Variants in RPS29 observed in about 807,000 individuals in gnomAD.
RPS29 encodes the protein ribosomal protein S29, also known as small ribosomal subunit protein uS14.
For missense variants in RPS29, 60 were observed against 75.7 expected (o/e 0.79, Z 0.77); for synonymous variants, 37 against 26.9 (o/e 1.37, Z -1.16).
downstream of RPS29, among the ~76,000 whole-genome samples, chr14:49,582,420 G>A (rs1881367142): frequency 6.6e-6 from 1 of 152,192 alleles, no homozygotes; most frequent in African/African-American, 2.4e-5. Context: ...AATCTATGCT[G>A]TAACCTCTAT....
intron 2 of RPS29, chr14:49,585,640 A>G (rs1356911629): frequency 2.3e-6 from 1 of 440,824 alleles, no homozygotes; most frequent in East Asian, 3.3e-5. Context: ...ACAAATGTAA[A>G]ACAATTTTAG....
rs1473644722 is a variant in RPS29, at chr14:49,586,036, T to G, written c.76A>C (p.Asn26His). The change falls in exon 2 of 3, where the codon AAC becomes CAC. Residue 26 changes from asparagine (N) to histidine (H), a missense_variant. Physicochemically the swap from Asn to His is moderately conservative, Grantham distance 68 (BLOSUM62 1). Transcript: ENST00000245458. ...TATTTCCGGATCAGACCGTGCCGGT[T>G]TGAACAGACACGACTGTAAGAAAAG... is the stretch of plus-strand genomic sequence containing the variant. ...QGSRSCRVCS[N>H]RHGLIRKYGL... 1.9e-6 allele frequency: 3 copies of G among 1,613,688 alleles called. No individual in the cohort carries two copies. Among genetic ancestry groups the G allele is most frequent in the Non-Finnish European group, 2.5e-6 (3 of 1,179,732 alleles).
chr14:49,582,012 C>CAAAAAAAAAAAAAAAAAAAAA (rs58507206), downstream of RPS29, among the ~76,000 whole-genome samples: 1 of 106,534 alleles, frequency 9.4e-6, no homozygotes, highest in Admixed American at 1.1e-4. Context: ...CCCTGCCCCC[C>CAAAAAAAAAAAAAAAAAAAAA]AAAAAAAAAA....
At chr14:49,593,704 A>AAAAAAG (rs1881763123) in intron 1 of RPS29, among the ~76,000 whole-genome samples, 2 of 150,632 alleles carry the variant, frequency 1.3e-5, no homozygotes, top group Non-Finnish European at 3.0e-5. Context: ...AAAAAAAAAA[A>AAAAAAG]AAAAAAAAAA....
At chr14:49,590,598 G>A (rs148345789), upstream of RPS29, among the ~76,000 whole-genome samples, 124 of 152,172 alleles carry the variant, frequency 8.1e-4, no homozygotes, top group African/African-American at 2.5e-3. Context: ...CATAGACAGA[G>A]TCTAAAATAC....
At chr14:49,585,657 C>A (rs953841674) in intron 2 of RPS29, 1 of 445,360 alleles carries the variant, frequency 2.2e-6, no homozygotes, top group Non-Finnish European at 4.0e-6. Flanking sequence ...TTAGTGGCTT[C>A]TCTAAAGTGA....
downstream of RPS29, among the ~76,000 whole-genome samples, chr14:49,579,379 C>G (rs117537267): frequency 3.0e-4 from 45 of 152,246 alleles, no homozygotes; most frequent in East Asian, 8.5e-3. Flanking sequence ...TACAGTGGCC[C>G]AAAGACACTA....
intron 1 of RPS29, among the ~76,000 whole-genome samples, chr14:49,591,682 G>A (rs932054886): frequency 3.4e-4 from 48 of 141,544 alleles, no homozygotes; most frequent in African/African-American, 1.1e-3. Flanking sequence ...GTGCAGTGGC[G>A]TGATCTCGGC....
upstream of RPS29, among the ~76,000 whole-genome samples, chr14:49,587,235 T>C (rs1038465713): frequency 1.3e-5 from 2 of 152,218 alleles, no homozygotes; most frequent in African/African-American, 4.8e-5. Flanking sequence ...GAATGTAAAG[T>C]AATAAACAAG....
At chr14:49,584,620 C>CG (rs1881452772) in intron 2 of RPS29, among the ~76,000 whole-genome samples, 6 of 151,840 alleles carry the variant, frequency 4.0e-5, no homozygotes, top group Admixed American at 2.6e-4. Context: ...AAAAATAGGC[C>CG]GGGCGTGGTG....
At chr14:49,594,946 A>G (rs1881787401) in intron 1 of RPS29, among the ~76,000 whole-genome samples, 1 of 152,188 alleles carries the variant, frequency 6.6e-6, no homozygotes, top group African/African-American at 2.4e-5. Context: ...TCTGTTTCCA[A>G]GCAGCTTTAT....
At chr14:49,582,811 C>T (rs111252478), downstream of RPS29, among the ~76,000 whole-genome samples, 1,246 of 152,284 alleles carry the variant, frequency 8.2e-3, 14 homozygotes, top group African/African-American at 0.029. Flanking sequence ...TTCCATCTCA[C>T]GTCAGCCACC....
At chr14:49,580,401 G>A (rs1040831167), downstream of RPS29, among the ~76,000 whole-genome samples, 2 of 152,042 alleles carry the variant, frequency 1.3e-5, no homozygotes, top group Non-Finnish European at 2.9e-5. Flanking sequence ...CTGAAACCTG[G>A]CTCTTTCCTA....
At chr14:49,578,827 G>A (rs1881259555), downstream of RPS29, among the ~76,000 whole-genome samples, 2 of 152,060 alleles carry the variant, frequency 1.3e-5, no homozygotes, top group Admixed American at 6.5e-5. Context: ...CTAAAGTGCT[G>A]GGATTACAGG....
At chr14:49,584,492 C>G (rs907037031) in intron 2 of RPS29, among the ~76,000 whole-genome samples, 5 of 152,202 alleles carry the variant, frequency 3.3e-5, no homozygotes, top group Admixed American at 6.5e-5. Flanking sequence ...AGACAGGGCG[C>G]CGTGGATCAC....
intron 1 of RPS29, among the ~76,000 whole-genome samples, chr14:49,595,462 C>T (rs1881801621): frequency 1.3e-5 from 2 of 152,078 alleles, no homozygotes; most frequent in East Asian, 3.8e-4. Context: ...CCACACACAT[C>T]TGGCCATGGT....
At chr14:49,574,329 A>G (rs2139499421) in exon 3 of RPS29, 1 of 152,320 alleles carries the variant, frequency 6.6e-6, no homozygotes, top group Non-Finnish European at 1.5e-5. Flanking sequence ...TTATTATTAA[A>G]CTAAACCATT....
At chr14:49,589,248 A>C (rs1414194777), upstream of RPS29, among the ~76,000 whole-genome samples, 1 of 151,878 alleles carries the variant, frequency 6.6e-6, no homozygotes, top group Non-Finnish European at 1.5e-5. Context: ...CTTTAATAGG[A>C]TATTTATTGG....
At chr14:49,585,604 A>G (rs1454944125) in intron 2 of RPS29, 2 of 396,324 alleles carry the variant, frequency 5.0e-6, no homozygotes, top group Non-Finnish European at 9.0e-6. Context: ...AAAAGAGAAT[A>G]GGTACTTACA....
Sources: gnomAD v4.1 joint callset for allele counts (sites outside exome capture counted in the v4.1 genomes callset) on GRCh38, gnomAD v4.1.1 for gene constraint, MANE v1.5 for transcripts, NCBI Gene and HGNC (gene_info 2026-07-23, HGNC 2026-07-21) for gene names.